Variants in TOP6BL observed in about 807,000 individuals in gnomAD.
TOP6BL encodes the protein TOP6B like initiator of meiotic double strand breaks.
chr11:66,750,096 A>G, the TOP6BL span, among the ~76,000 whole-genome samples: 1 of 152,266 alleles, frequency 6.6e-6, no homozygotes, highest in East Asian at 1.9e-4. Flanking sequence ...CTTAGTTATC[A>G]ATATCCATTT....
the TOP6BL span, among the ~76,000 whole-genome samples, chr11:66,792,878 A>G: frequency 6.6e-6 from 1 of 152,152 alleles, no homozygotes; most frequent in Admixed American, 6.5e-5. Context: ...GTGTTCCAAG[A>G]AGTTGTTTTG....
At chr11:66,804,162 A>G in the TOP6BL span, 5 of 1,612,488 alleles carry the variant, frequency 3.1e-6, no homozygotes, top group Non-Finnish European at 4.2e-6. Flanking sequence ...GTTTCTTCCA[A>G]CCAGCTTAAC....
At chr11:66,769,645 C>T in the TOP6BL span, among the ~76,000 whole-genome samples, 84 of 152,032 alleles carry the variant, frequency 5.5e-4, 1 homozygote, top group African/African-American at 2.0e-3. Flanking sequence ...GAGATGGGGC[C>T]TTTGGGAGGT....
chr11:66,834,088 A>G, the TOP6BL span, among the ~76,000 whole-genome samples: 1 of 152,178 alleles, frequency 6.6e-6, no homozygotes, highest in African/African-American at 2.4e-5. Flanking sequence ...TAGGTCTTGG[A>G]AAGAAGGAAC....
At chr11:66,831,026 A>T in the TOP6BL span, among the ~76,000 whole-genome samples, 1 of 152,228 alleles carries the variant, frequency 6.6e-6, no homozygotes, top group African/African-American at 2.4e-5. Flanking sequence ...GATGCCCAAC[A>T]TCATCAGTCA....
the TOP6BL span, among the ~76,000 whole-genome samples, chr11:66,745,312 G>T: frequency 2.9e-3 from 427 of 149,400 alleles, 14 homozygotes; most frequent in African/African-American, 9.7e-3. Context: ...TGCGGGGCGG[G>T]GTGGGGGGAG....
the TOP6BL span, among the ~76,000 whole-genome samples, chr11:66,803,320 ACCTGTAGTCCCAG>A: frequency 3.3e-5 from 5 of 152,268 alleles, no homozygotes; most frequent in African/African-American, 1.2e-4. Context: ...GATATCTCAC[ACCTGTAGTCCCAG>A]CACTTTGGGA....
At chr11:66,828,872 T>A in the TOP6BL span, 1 of 152,380 alleles carries the variant, frequency 6.6e-6, no homozygotes, top group Non-Finnish European at 1.5e-5. Flanking sequence ...CAAAACCAGT[T>A]AAAAGCTATT....
chr11:66,842,823 G>A, the TOP6BL span: 4 of 1,535,000 alleles, frequency 2.6e-6, no homozygotes, highest in Non-Finnish European at 3.5e-6. Context: ...ATGAAAGTAA[G>A]ATGAAGAGGC....
At chr11:66,840,397 G>C in the TOP6BL span, among the ~76,000 whole-genome samples, 1 of 152,070 alleles carries the variant, frequency 6.6e-6, no homozygotes, top group South Asian at 2.1e-4. Context: ...TTTCCTCCAG[G>C]CTCACAGTGG....
the TOP6BL span, among the ~76,000 whole-genome samples, chr11:66,754,870 C>T: frequency 1.3e-5 from 2 of 152,160 alleles, no homozygotes; most frequent in African/African-American, 4.8e-5. Flanking sequence ...TAGGGAGGAG[C>T]CAGTCCCTTG....
Sources: gnomAD v4.1 joint callset for allele counts (sites outside exome capture counted in the v4.1 genomes callset) on GRCh38, gnomAD v4.1.1 for gene constraint, MANE v1.5 for transcripts, NCBI Gene and HGNC (gene_info 2026-07-23, HGNC 2026-07-21) for gene names.